The following PTPN2 variants were observed in gnomAD, a reference collection of about 807,000 sequenced individuals.
PTPN2 encodes tyrosine-protein phosphatase non-receptor type 2.
A neutral mutation model predicts 57.3 loss-of-function variants in PTPN2; 19 were observed. That is an observed-to-expected ratio of 0.33 (90% CI 0.23 to 0.49). PTPN2 has a LOEUF of 0.49. Ranked by LOEUF, PTPN2 falls within the 20% of genes least tolerant of loss-of-function variation. The pLI, the probability that PTPN2 is intolerant of heterozygous loss-of-function variation, is 0.99. For synonymous variants in PTPN2, 153 were observed against 164.9 expected, an observed-to-expected ratio of 0.93 and a Z score of 0.55; for missense variants, 358 against 501.1, an observed-to-expected ratio of 0.71 and a Z score of 2.73.
At chr18:12,872,954 C>T (rs2044319242) in intron 1 of PTPN2, among the ~76,000 whole-genome samples, 1 of 152,212 alleles carries the variant, frequency 6.6e-6, no homozygotes. Context: ...GACGCGGTGG[C>T]TCACGCCTGT....
At position 12,793,209 on chromosome 18, in the gene PTPN2, T is replaced by G. The variant is rs1461888821; in HGVS notation, c.*1069A>C. ...ATGAGCAGTTAAATTCATTAAACAG[T>G]TTGCTTTAAAAAATATTCATTAAGT... On this transcript the variant is annotated 3_prime_UTR_variant, in exon 9 of 9. Transcript: ENST00000309660. The G allele has an allele frequency of 4.1e-6, 4 of 980,688 alleles. No individual in the cohort carries two copies. Among genetic ancestry groups the G allele is most frequent in the African/African-American group, 3.6e-5 (2 of 55,836 alleles). The allele number at this position is 980,688 out of a possible 1,614,324, so 60.7% of individuals were successfully genotyped here. A position where few individuals can be genotyped will look rare whatever the true frequency, so the allele number is the denominator to read the frequency against.
rs146775548 is a variant in PTPN2 at position 12,811,014 on chromosome 18, T to C, written c.858+3189A>G. On this transcript the variant is annotated intron_variant, in intron 7 of 8. Coordinates refer to ENST00000309660, the MANE Select transcript of PTPN2 (RefSeq NM_002828.4). ...CTTTTATAGTGAAGACATGGAGTACTTGCTACTCTCCATGCCATATTCTAA... is the reference window on the plus strand; with the variant it reads ...CTTTTATAGTGAAGACATGGAGTACCTGCTACTCTCCATGCCATATTCTAA... Among the ~76,000 whole-genome samples the C allele has an allele frequency of 7.4e-4, 113 of 152,330 alleles. 1 individual carries two copies. Among genetic ancestry groups the C allele is most frequent in the African/African-American group, 2.5e-3 (102 of 41,578 alleles).
intron 3 of PTPN2, among the ~76,000 whole-genome samples, chr18:12,831,321 A>G (rs189691482): frequency 2.0e-5 from 3 of 152,298 alleles, no homozygotes; most frequent in Non-Finnish European, 2.9e-5. Flanking sequence ...CTAGAGAGAC[A>G]AACTTGGGTA....
chr18:12,873,881 G>A (rs2044366239), intron 1 of PTPN2, among the ~76,000 whole-genome samples: 1 of 151,862 alleles, frequency 6.6e-6, no homozygotes, highest in Admixed American at 6.6e-5. Flanking sequence ...TGAGATGTGG[G>A]GAGTGCCTTT....
intron 1 of PTPN2, among the ~76,000 whole-genome samples, chr18:12,869,624 A>G (rs2044118250): frequency 6.6e-6 from 1 of 152,226 alleles, no homozygotes; most frequent in South Asian, 2.1e-4. Flanking sequence ...ACATCGTTAG[A>G]CCAAATTCTC....
At chr18:12,865,242 G>A (rs974283750) in intron 1 of PTPN2, among the ~76,000 whole-genome samples, 1 of 151,870 alleles carries the variant, frequency 6.6e-6, no homozygotes, top group Non-Finnish European at 1.5e-5. Flanking sequence ...AGACCAGTCT[G>A]GGCAACACAG....
chr18:12,818,895 A>G (rs1027778133), intron 5 of PTPN2: 2 of 156,758 alleles, frequency 1.3e-5, no homozygotes, highest in African/African-American at 2.4e-5. Flanking sequence ...GGAGTTCGAG[A>G]CCAACCTGAC....
At chr18:12,812,367 G>A (rs1019022986) in intron 7 of PTPN2, among the ~76,000 whole-genome samples, 2 of 152,160 alleles carry the variant, frequency 1.3e-5, no homozygotes, top group Admixed American at 1.3e-4. Context: ...TTGGGACGCC[G>A]AGGTGGGCGA....
intron 1 of PTPN2, among the ~76,000 whole-genome samples, chr18:12,882,370 C>A (rs541213968): frequency 6.6e-6 from 1 of 152,156 alleles, no homozygotes; most frequent in Non-Finnish European, 1.5e-5. Context: ...CATGTGAAAT[C>A]TCCAGTGGAT....
intron 1 of PTPN2, among the ~76,000 whole-genome samples, chr18:12,869,485 A>T (rs570585462): frequency 6.6e-6 from 1 of 152,232 alleles, no homozygotes; most frequent in Non-Finnish European, 1.5e-5. Flanking sequence ...TTAAAAATCT[A>T]TATTACTGCA....
intron 2 of PTPN2, among the ~76,000 whole-genome samples, chr18:12,848,763 C>T (rs2043296824): frequency 1.3e-5 from 2 of 152,238 alleles, no homozygotes; most frequent in African/African-American, 4.8e-5. Context: ...GATTTGTGAA[C>T]ATAATAAATG....
intron 7 of PTPN2, among the ~76,000 whole-genome samples, chr18:12,812,526 G>T (rs934336231): frequency 6.6e-6 from 1 of 152,108 alleles, no homozygotes; most frequent in Admixed American, 6.5e-5. Context: ...TTGAACCTGG[G>T]AGGCAGAGGC....
chr18:12,822,537 G>A (rs1357190905), intron 5 of PTPN2, among the ~76,000 whole-genome samples: 2 of 152,150 alleles, frequency 1.3e-5, no homozygotes, highest in African/African-American at 4.8e-5. Flanking sequence ...GTCACTAAAG[G>A]GCTCCTGGTA....
At chr18:12,865,506 G>GCTGAGGTGGGTGGATCGCCTGAGGT (rs1440884957) in intron 1 of PTPN2, among the ~76,000 whole-genome samples, 19 of 151,918 alleles carry the variant, frequency 1.3e-4, no homozygotes, top group South Asian at 6.2e-4. Context: ...ACTTTGGAAG[G>GCTGAGGTGGGTGGATCGCCTGAGGT]CTGAGGTGGG....
intron 1 of PTPN2, among the ~76,000 whole-genome samples, chr18:12,871,774 G>A (rs573063315): frequency 6.6e-6 from 1 of 152,106 alleles, no homozygotes; most frequent in Admixed American, 6.6e-5. Context: ...ATGAGGCAGG[G>A]CAGGCATGTT....
intron 5 of PTPN2, chr18:12,819,048 C>G (rs551371009): frequency 9.1e-6 from 3 of 331,064 alleles, no homozygotes; most frequent in South Asian, 5.6e-5. Flanking sequence ...GAGCCGAGAT[C>G]GTGCCATTGT....
At chr18:12,854,141 A>G (rs529156581) in intron 2 of PTPN2, among the ~76,000 whole-genome samples, 10 of 152,186 alleles carry the variant, frequency 6.6e-5, no homozygotes, top group Non-Finnish European at 1.3e-4. Flanking sequence ...GGTGGACTAC[A>G]TGAGTCCAGG....
intron 7 of PTPN2, among the ~76,000 whole-genome samples, chr18:12,806,816 T>C (rs915869109): frequency 3.3e-5 from 5 of 152,032 alleles, no homozygotes; most frequent in Admixed American, 3.3e-4. Context: ...AAGACTTAAA[T>C]ATGAGACCCC....
Position 12,794,265 on chromosome 18 carries a change from C to A in PTPN2, c.*13G>T. On this transcript the variant is annotated 3_prime_UTR_variant, in exon 9 of 9. Transcript: ENST00000309660. ...GTTACTAGTGCAGAAGCTTGCTGGG[C>A]AAAATTAATTGTTTATAGGGCATTT... 3 of 1,613,886 alleles carry A rather than the reference C, an allele frequency of 1.9e-6. No individual in the cohort carries two copies.
Sources: gnomAD v4.1 joint callset for allele counts (sites outside exome capture counted in the v4.1 genomes callset) on GRCh38, gnomAD v4.1.1 for gene constraint, MANE v1.5 for transcripts, NCBI Gene and HGNC (gene_info 2026-07-23, HGNC 2026-07-21) for gene names.